The following CABP1 variants were observed in gnomAD, a reference collection of about 807,000 sequenced individuals.
CABP1 encodes calcium-binding protein 1.
CABP1 carries 17 observed loss-of-function variants against 34.3 expected under a neutral mutation model. The ratio of observed to expected loss-of-function variants is 0.50; its 90% CI spans 0.34 to 0.74. The LOEUF is 0.74. Ranked by LOEUF, CABP1 falls within the 30% of genes least tolerant of loss-of-function variation. CABP1 has a pLI of 0.01. For missense variants in CABP1, 373 were observed against 511.1 expected (o/e 0.73, Z 2.61); for synonymous variants, 198 against 229.2 (o/e 0.86, Z 1.23).
At chr12:120,657,073 A>G (rs1880275564) in intron 1 of CABP1, among the ~76,000 whole-genome samples, 1 of 152,170 alleles carries the variant, frequency 6.6e-6, no homozygotes, top group East Asian at 1.9e-4. Context: ...TGATGGAAAT[A>G]TTCTAAATTC....
intron 1 of CABP1, among the ~76,000 whole-genome samples, chr12:120,649,583 A>C (rs1879715424): frequency 6.6e-6 from 1 of 152,054 alleles, no homozygotes; most frequent in African/African-American, 2.4e-5. Context: ...TCTGCCCGGC[A>C]CCCCAAGGAA....
chr12:120,674,815 C>A, the CABP1 span, among the ~76,000 whole-genome samples: 1 of 151,402 alleles, frequency 6.6e-6, no homozygotes, highest in Admixed American at 6.6e-5. Context: ...CGCTTGAACC[C>A]GGGAGGCAGA....
In CABP1 at chr12:120,666,896, G is replaced by T; in HGVS notation, c.1109G>T (p.Arg370Leu). The T allele has an allele frequency of 6.2e-7, 1 of 1,604,996 alleles. No individual in the cohort carries two copies. Among genetic ancestry groups the T allele is most frequent in the Non-Finnish European group, 8.5e-7 (1 of 1,178,600 alleles). Residue 370 changes from arginine (R) to leucine (L), a missense_variant, in exon 6 of 6, where the codon CGC (arginine) becomes CTC (leucine). Arg to Leu is a moderately radical substitution (Grantham distance 102). Transcript: ENST00000316803. ...CTAGAGTTTGTCCGGATGATGTCCCGCTGAGGCCGCGAGGGCCCCTCCAGG... is the reference window on the plus strand; with the variant it reads ...CTAGAGTTTGTCCGGATGATGTCCCTCTGAGGCCGCGAGGGCCCCTCCAGG... ...DFEEFVRMMS[R>L]
intron 1 of CABP1, among the ~76,000 whole-genome samples, chr12:120,658,088 C>CT (rs140287793): frequency 0.016 from 1,380 of 86,192 alleles, 57 homozygotes; most frequent in African/African-American, 0.045. Context: ...CCATCACCAG[C>CT]TTTTTTTTTT....
chr12:120,655,104 G>A (rs1206215135), intron 1 of CABP1, among the ~76,000 whole-genome samples: 2 of 152,228 alleles, frequency 1.3e-5, no homozygotes, highest in African/African-American at 4.8e-5. Context: ...ACACTGGGCT[G>A]GAGTTAAGTA....
intron 1 of CABP1, among the ~76,000 whole-genome samples, chr12:120,649,300 C>T (rs1029879409): frequency 1.3e-5 from 2 of 152,176 alleles, no homozygotes; most frequent in African/African-American, 4.8e-5. Flanking sequence ...AGGAGGCTCT[C>T]CGGGCTGAAA....
At chr12:120,652,141 T>G (rs750230377) in intron 1 of CABP1, among the ~76,000 whole-genome samples, 2 of 152,208 alleles carry the variant, frequency 1.3e-5, no homozygotes, top group African/African-American at 4.8e-5. Context: ...CCTCTTAAGG[T>G]GATTCTGGGA....
chr12:120,672,622 G>C, the CABP1 span, among the ~76,000 whole-genome samples: 1 of 140,540 alleles, frequency 7.1e-6, no homozygotes. Flanking sequence ...AAAAAAAAGT[G>C]AACTTATAGA....
At chr12:120,653,250 C>T (rs181863841) in intron 1 of CABP1, among the ~76,000 whole-genome samples, 2 of 152,304 alleles carry the variant, frequency 1.3e-5, no homozygotes, top group East Asian at 3.9e-4. Context: ...CCATCATTGC[C>T]ATCACTATGG....
At chr12:120,654,763 G>T (rs1215645785) in intron 1 of CABP1, among the ~76,000 whole-genome samples, 1 of 152,266 alleles carries the variant, frequency 6.6e-6, no homozygotes, top group Non-Finnish European at 1.5e-5. Flanking sequence ...GGGGAGAACT[G>T]AATGTTGTGT....
At chr12:120,671,455 G>GAGTT (rs1307116475), downstream of CABP1, among the ~76,000 whole-genome samples, 1 of 152,236 alleles carries the variant, frequency 6.6e-6, no homozygotes, top group Non-Finnish European at 1.5e-5. Flanking sequence ...GGAGAGTGTG[G>GAGTT]CCCTTTTGGG....
Position 120,661,363 on chromosome 12 carries a change from C to T in CABP1, c.1087+145C>T. 1.2e-6 allele frequency: 1 copy of T among 818,714 alleles called. No individual in the cohort carries two copies. Among genetic ancestry groups the T allele is most frequent in the Non-Finnish European group, 1.9e-6 (1 of 535,712 alleles). 50.7% of individuals were successfully genotyped at this position (818,714 alleles called of 1,614,324 possible). A position where few individuals can be genotyped will look rare whatever the true frequency, so the allele number is the denominator to read the frequency against. On this transcript the variant is annotated intron_variant, in intron 5 of 5. Coordinates refer to ENST00000316803, the MANE Select transcript of CABP1 (RefSeq NM_001033677.2). This position sits in a 1 kb window ranked among gnomAD's most constrained non-coding sequence, Gnocchi z 5.1. ...TCATCCTCTTATCCCTCCGTCCATG[C>T]CCCCGTCTAATCCATCTCCCATCCC...
intron 1 of CABP1, chr12:120,655,564 C>A: frequency 8.0e-7 from 1 of 1,254,730 alleles, no homozygotes; most frequent in Non-Finnish European, 1.0e-6. Flanking sequence ...GCCTGGTCTC[C>A]ATGCTGCCAG....
intron 1 of CABP1, chr12:120,656,114 A>C: frequency 6.2e-7 from 1 of 1,614,208 alleles, no homozygotes; most frequent in Non-Finnish European, 8.5e-7. Flanking sequence ...GGAACAGACC[A>C]GCTACATGGT....
At chr12:120,653,578 C>T (rs946671398) in intron 1 of CABP1, among the ~76,000 whole-genome samples, 10 of 152,176 alleles carry the variant, frequency 6.6e-5, no homozygotes, top group African/African-American at 2.2e-4. Context: ...CTCTGTTACC[C>T]AAGCTGGAGT....
the CABP1 span, among the ~76,000 whole-genome samples, chr12:120,678,766 T>C: frequency 6.6e-6 from 1 of 152,028 alleles, no homozygotes; most frequent in African/African-American, 2.4e-5. Flanking sequence ...GGTCCCACAA[T>C]GCTAATTTTA....
intron 5 of CABP1, 73 bp from the exon 6 acceptor site, chr12:120,666,802 G>A (rs1881020381): frequency 1.3e-6 from 2 of 1,510,086 alleles, no homozygotes; most frequent in Admixed American, 1.9e-5. Flanking sequence ...GCAACAGGGT[G>A]GGGTCTGAAG....
the CABP1 span, among the ~76,000 whole-genome samples, chr12:120,673,331 T>C: frequency 6.6e-6 from 1 of 152,142 alleles, no homozygotes. Context: ...ACACCTGTAA[T>C]CCCAGCGCTT....
At chr12:120,675,801 C>T in the CABP1 span, among the ~76,000 whole-genome samples, 4 of 152,062 alleles carry the variant, frequency 2.6e-5, no homozygotes, top group African/African-American at 9.7e-5. Context: ...ATCAGGCAGG[C>T]ACAGTGGCTC....
Sources: allele counts gnomAD v4.1 joint callset (sites outside exome capture counted in the v4.1 genomes callset), GRCh38; gene constraint gnomAD v4.1.1; non-coding constraint Gnocchi (gnomAD v3.1); transcripts MANE v1.5; gene names NCBI Gene and HGNC (gene_info 2026-07-23, HGNC 2026-07-21).